The following FBXO5 variants were observed in gnomAD, a reference collection of about 807,000 sequenced individuals.
FBXO5 encodes the protein F-box protein 5, also known as F-box only protein 5.
A neutral mutation model predicts 43.3 loss-of-function variants in FBXO5; 8 were observed. The ratio of observed to expected loss-of-function variants is 0.18; its 90% CI spans 0.11 to 0.33. FBXO5 has a LOEUF of 0.33. Among genes scored for constraint, FBXO5 ranks in the 10% least tolerant of loss-of-function variants. The probability of loss-of-function intolerance (pLI) is 1.00; values close to 1 mark genes in which losing one functional copy is unlikely to be tolerated. For missense variants in FBXO5, 491 were observed against 535.7 expected (o/e 0.92, Z 0.82); for synonymous variants, 204 against 193.7 (o/e 1.05, Z -0.44).
intron 2 of FBXO5, among the ~76,000 whole-genome samples, chr6:152,974,152 G>A (rs775609324): frequency 2.6e-5 from 4 of 151,678 alleles, no homozygotes; most frequent in African/African-American, 9.7e-5. Flanking sequence ...GTTGCAGTAA[G>A]CCAAGATTGC....
chr6:152,972,380 A>G lies in FBXO5; in HGVS notation c.984T>C (p.Val328=). ...YVMFRTPLAS[V]QKSAAQTSLK... ...GAGAAGTCTGGGCTGCTGATTTCTG[A>G]ACAGAAGCCAGTGGGGTTCTGAACA... is the stretch of plus-strand genomic sequence containing the variant. The change falls in exon 4 of 5, where the codon GTT becomes GTC. Residue 328 remains valine, a synonymous_variant. Transcript: ENST00000229758. 1 of 1,612,956 alleles carries G rather than the reference A, an allele frequency of 6.2e-7. No homozygotes were observed.
chr6:152,972,450 T>G lies in FBXO5; in HGVS notation c.914A>C (p.Asn305Thr). The part of the protein sequence containing the change: ...YSKAIQRVTE[N>T]NNKFSPHAST... ...AGCATGAGGTGAAAATTTATTGTTG[T>G]TTTCCTAATTTAAAAAAAAGTTTTA... The change falls in exon 4 of 5, where the codon AAC (asparagine) becomes ACC (threonine). Residue 305 changes from asparagine to threonine, a missense_variant. Coordinates refer to ENST00000229758, the MANE Select transcript of FBXO5 (RefSeq NM_012177.5). 6.3e-7 allele frequency: 1 copy of G among 1,576,404 alleles called. No individual in the cohort carries two copies. Among genetic ancestry groups the G allele is most frequent in the South Asian group, 1.2e-5 (1 of 83,872 alleles).
At position 152,972,359 on chromosome 6, in the gene FBXO5, A is replaced by G. The variant is rs753806984; in HGVS notation, c.1005T>C (p.Thr335=). ...TGGTTTGAGCATCTTTTTTGAGAGAAGTCTGGGCTGCTGATTTCTGAACAG... is the reference window on the plus strand; with the variant it reads ...TGGTTTGAGCATCTTTTTTGAGAGAGGTCTGGGCTGCTGATTTCTGAACAG... ...LASVQKSAAQ[T]SLKKDAQTKL... The change falls in exon 4 of 5, where the codon ACT becomes ACC. Residue 335 remains threonine, a synonymous_variant. Transcript: ENST00000229758. The G allele has an allele frequency of 5.0e-6, 8 of 1,613,078 alleles. No homozygotes were observed. The African/African-American group carries it at 9.3e-5, about 19-fold the overall frequency.
rs1778289369 is a variant in FBXO5 at position 152,982,981 on chromosome 6, C to T, written c.-22G>A. On this transcript the variant is annotated 5_prime_UTR_variant, in exon 1 of 5. Coordinates refer to ENST00000229758, the MANE Select transcript of FBXO5 (RefSeq NM_012177.5). Reference sequence around the variant, plus strand: ...TCATGCCAGCCGACGTGGAGTCTGCCTCAGGTGGAGGAACCGCTCCGGGGG... The same window carrying T: ...TCATGCCAGCCGACGTGGAGTCTGCTTCAGGTGGAGGAACCGCTCCGGGGG... The T allele has an allele frequency of 1.5e-6, 2 of 1,375,694 alleles. No individual in the cohort carries two copies. The highest frequency in any genetic ancestry group is 1.5e-5 in the African/African-American group (1 of 65,592). The allele number at this position is 1,375,694 out of a possible 1,614,324, so 85.2% of individuals were successfully genotyped here. A position where few individuals can be genotyped will look rare whatever the true frequency, so the allele number is the denominator to read the frequency against.
chr6:152,976,982 G>A (rs1335850334), intron 1 of FBXO5, among the ~76,000 whole-genome samples: 1 of 152,144 alleles, frequency 6.6e-6, no homozygotes, highest in Non-Finnish European at 1.5e-5. Flanking sequence ...CAAATACTGG[G>A]CAGGGAAAAA....
In FBXO5 at chr6:152,983,008, A is replaced by C; in HGVS notation, c.-49T>G. On this transcript the variant is annotated 5_prime_UTR_variant, in exon 1 of 5. Coordinates refer to ENST00000229758, the MANE Select transcript of FBXO5 (RefSeq NM_012177.5). ...CAGGTGGAGGAACCGCTCCGGGGGC[A>C]GCTGAGCAACCTGCCTGCTTCACAG... is the stretch of plus-strand genomic sequence containing the variant. The C allele has an allele frequency of 8.3e-7, 1 of 1,198,966 alleles. No individual in the cohort carries two copies. The highest frequency in any genetic ancestry group is 1.1e-6 in the Non-Finnish European group (1 of 916,668). The allele number at this position is 1,198,966 out of a possible 1,614,324, so 74.3% of individuals were successfully genotyped here.
Position 152,975,409 on chromosome 6 carries a change from C to G in FBXO5, c.316G>C (p.Val106Leu). 6.2e-7 allele frequency: 1 copy of G among 1,613,832 alleles called. No individual in the cohort carries two copies. Residue 106 changes from valine (V) to leucine (L), a missense_variant, in exon 2 of 5, where the codon GTA becomes CTA. Physicochemically the swap from Val to Leu is conservative, Grantham distance 32 (BLOSUM62 1). Coordinates refer to ENST00000229758, the MANE Select transcript of FBXO5 (RefSeq NM_012177.5). Reference protein sequence around the residue: ...IGSPIVSPRIVQLETESKRLH... With the variant: ...IGSPIVSPRILQLETESKRLH... ...CGCTTGCTTTCAGTTTCAAGTTGTACAATCCTAGGGCTCACAATCGGTGAC... is the reference window on the plus strand; with the variant it reads ...CGCTTGCTTTCAGTTTCAAGTTGTAGAATCCTAGGGCTCACAATCGGTGAC...
intron 1 of FBXO5, among the ~76,000 whole-genome samples, chr6:152,976,840 T>C (rs1778176101): frequency 6.6e-6 from 1 of 152,144 alleles, no homozygotes; most frequent in Admixed American, 6.6e-5. Flanking sequence ...GCTACAGACA[T>C]TTTGCAGTGA....
At position 152,972,471 on chromosome 6, in the gene FBXO5, T is replaced by C. The variant is rs772942988; in HGVS notation, c.910-17A>G. ...GTTGTTTTCCTAATTTAAAAAAAAG[T>C]TTTAATAGAATTTAGAAATTATTTC... On this transcript the variant is annotated splice_polypyrimidine_tract_variant and intron_variant, in intron 3 of 4. Transcript: ENST00000229758. 6.5e-7 allele frequency: 1 copy of C among 1,533,532 alleles called. No individual in the cohort carries two copies. The highest frequency in any genetic ancestry group is 1.2e-5 in the South Asian group (1 of 81,320). 95.0% of individuals were successfully genotyped at this position (1,533,532 alleles called of 1,614,324 possible). A position where few individuals can be genotyped will look rare whatever the true frequency, so the allele number is the denominator to read the frequency against.
rs777680598 is a variant in FBXO5, at chr6:152,975,630, AG to A, written c.104-10del. On this transcript the variant is annotated splice_polypyrimidine_tract_variant and intron_variant, in intron 1 of 4. Coordinates refer to ENST00000229758, the MANE Select transcript of FBXO5 (RefSeq NM_012177.5). ...ACTTTCTTCTTTACAACCTATAAAA[AG>A]AACATAACATTTACATCTTAATGGC... The A allele has an allele frequency of 6.5e-7, 1 of 1,547,344 alleles. No homozygotes were observed. Among genetic ancestry groups the A allele is most frequent in the Admixed American group, 2.0e-5 (1 of 49,126 alleles).
At chr6:152,972,849 A>G in intron 3 of FBXO5, 197 bp downstream of exon 3, 1 of 443,682 alleles carries the variant, frequency 2.3e-6, no homozygotes, top group Non-Finnish European at 3.9e-6. Context: ...TAGACATTCT[A>G]TTTCTAGGAA....
chr6:152,971,363 T>C lies in FBXO5; in HGVS notation c.1144A>G (p.Asn382Asp). The C allele has an allele frequency of 1.2e-6, 2 of 1,613,952 alleles. No homozygotes were observed. The highest frequency in any genetic ancestry group is 1.3e-5 in the African/African-American group (1 of 75,010). ...NESLKACIRC[N>D]SPAKYDCYLQ... Reference sequence around the variant, plus strand: ...TAGCAATCATATTTTGCAGGTGAATTACAGCGAATACAGGCTTTGAGGCTT... The same window carrying C: ...TAGCAATCATATTTTGCAGGTGAATCACAGCGAATACAGGCTTTGAGGCTT... Residue 382 changes from asparagine (N) to aspartate (D), a missense_variant, in exon 5 of 5, where the codon AAT (asparagine) becomes GAT (aspartate). Coordinates refer to ENST00000229758, the MANE Select transcript of FBXO5 (RefSeq NM_012177.5).
chr6:152,979,871 C>T (rs942692826), intron 1 of FBXO5, among the ~76,000 whole-genome samples: 2 of 152,068 alleles, frequency 1.3e-5, no homozygotes, highest in African/African-American at 4.8e-5. Flanking sequence ...CCGTTTCAGC[C>T]CTAGAATCAG....
At chr6:152,983,098 G>A (rs914424439), upstream of FBXO5, 3 of 486,880 alleles carry the variant, frequency 6.2e-6, no homozygotes, top group Non-Finnish European at 1.0e-5. Flanking sequence ...GCCTAAATCC[G>A]CGCGGTCCAA....
Position 152,973,027 on chromosome 6 carries a change from A to T in FBXO5, c.909+19T>A, listed in dbSNP as rs781726545. On this transcript the variant is annotated intron_variant, in intron 3 of 4. Transcript: ENST00000229758. ...TAACAGTGCATTTTTAACTAAAAAC[A>T]TCATCTGCAAACACTTACGGTAACT... is the stretch of plus-strand genomic sequence containing the variant. The T allele has an allele frequency of 1.2e-6, 2 of 1,601,764 alleles. No individual in the cohort carries two copies. Among genetic ancestry groups the T allele is most frequent in the East Asian group, 4.5e-5 (2 of 44,758 alleles).
chr6:152,974,190 G>C (rs113390822), intron 2 of FBXO5, among the ~76,000 whole-genome samples: 4 of 151,410 alleles, frequency 2.6e-5, no homozygotes, highest in African/African-American at 9.7e-5. Context: ...TGGGTGACTG[G>C]AGTGAAACCC....
At chr6:152,981,871 AG>A (rs1476066417) in intron 1 of FBXO5, among the ~76,000 whole-genome samples, 2 of 152,178 alleles carry the variant, frequency 1.3e-5, no homozygotes, top group African/African-American at 4.8e-5. Flanking sequence ...GGTAAAAATA[AG>A]TGCATATAGA....
At chr6:152,972,957 G>T in intron 3 of FBXO5, 89 bp downstream of exon 3, 1 of 991,908 alleles carries the variant, frequency 1.0e-6, no homozygotes, top group Non-Finnish European at 1.5e-6. Flanking sequence ...CTGTAAAGAA[G>T]GGTTTCCAGA....
intron 1 of FBXO5, among the ~76,000 whole-genome samples, chr6:152,979,315 C>A (rs1298075630): frequency 6.6e-6 from 1 of 152,132 alleles, no homozygotes; most frequent in Non-Finnish European, 1.5e-5. Flanking sequence ...TTTATAATTA[C>A]CTTGACAACT....
Sources: allele counts gnomAD v4.1 joint callset (sites outside exome capture counted in the v4.1 genomes callset), GRCh38; gene constraint gnomAD v4.1.1; transcripts MANE v1.5; gene names NCBI Gene and HGNC (gene_info 2026-07-23, HGNC 2026-07-21).